The following CPZ variants were observed in gnomAD, a reference collection of about 807,000 sequenced individuals.
CPZ encodes VEZT/CPZ fusion.
In CPZ, 103 loss-of-function variants were observed where a neutral mutation model predicts 61.8. That is an observed-to-expected ratio of 1.67 (90% CI 1.42 to 1.96). The LOEUF (loss-of-function observed/expected upper bound fraction) is 1.96. Ranked by LOEUF, CPZ falls within the 30% of genes most tolerant of loss-of-function variation. The pLI, the probability that CPZ is intolerant of heterozygous loss-of-function variation, is 0.00. For missense variants in CPZ, 1,461 were observed against 914.9 expected (o/e 1.60, Z -7.70); for synonymous variants, 551 against 373.7 (o/e 1.47, Z -5.47).
At chr4:8,607,215 C>T (rs374697973) in intron 6 of CPZ, 52 bp from the exon 7 acceptor site, 14 of 1,585,518 alleles carry the variant, frequency 8.8e-6, no homozygotes, top group Middle Eastern at 1.8e-4. Context: ...GGCATGGCTG[C>T]GGGCCAGTGG....
intron 4 of CPZ, 130 bp from the exon 5 acceptor site, chr4:8,605,859 G>A (rs1560294451): frequency 2.3e-6 from 2 of 886,262 alleles, no homozygotes; most frequent in Non-Finnish European, 3.4e-6. Flanking sequence ...TATATACAGA[G>A]GTTCTTGAGT....
chr4:8,607,506 G>A, intron 7 of CPZ, 81 bp downstream of exon 7: 2 of 1,501,392 alleles, frequency 1.3e-6, no homozygotes, highest in Non-Finnish European at 9.0e-7. Context: ...CCAGTCCTGA[G>A]CTCAGTGAAG....
At chr4:8,600,273 G>A (rs1714477726) in intron 2 of CPZ, among the ~76,000 whole-genome samples, 1 of 152,190 alleles carries the variant, frequency 6.6e-6, no homozygotes, top group African/African-American at 2.4e-5. Flanking sequence ...CACCTTGCCT[G>A]GCTGTAAAAT....
At chr4:8,611,515 G>C (rs1164806998) in intron 7 of CPZ, among the ~76,000 whole-genome samples, 2 of 152,188 alleles carry the variant, frequency 1.3e-5, no homozygotes, top group African/African-American at 2.4e-5. Flanking sequence ...CTTCCTGCAG[G>C]CTGAGTCCCA....
rs184502022 is a variant in CPZ at position 8,618,651 on chromosome 4, C to T, written c.1603+123C>T. The T allele has an allele frequency of 3.1e-4, 284 of 904,758 alleles. 1 individual carries two copies. The East Asian group carries it at 7.2e-3, about 23-fold the overall frequency. The allele number at this position is 904,758 out of a possible 1,614,324, so 56.0% of individuals were successfully genotyped here. On this transcript the variant is annotated intron_variant, in intron 10 of 10. Coordinates refer to ENST00000360986, the MANE Select transcript of CPZ (RefSeq NM_001014447.3). The stretch of plus-strand genomic sequence containing the variant: ...CCTCAGCAGGATGGCTCCATTCCTC[C>T]CCAGGCTGGCTGGGTCGGGGAGGGT...
chr4:8,606,721 T>G lies in CPZ; in HGVS notation c.907-16T>G. On this transcript the variant is annotated splice_polypyrimidine_tract_variant and intron_variant, in intron 5 of 10. Coordinates refer to ENST00000360986, the MANE Select transcript of CPZ (RefSeq NM_001014447.3). Reference sequence around the variant, plus strand: ...TGTGCTGACCCCACCCAGTCGGGGGTTGGCCATGTTTTCAGGGTGCCGGCT... The same window carrying G: ...TGTGCTGACCCCACCCAGTCGGGGGGTGGCCATGTTTTCAGGGTGCCGGCT... 1 of 1,613,052 alleles carries G rather than the reference T, an allele frequency of 6.2e-7. No homozygotes were observed. Among genetic ancestry groups the G allele is most frequent in the South Asian group, 1.1e-5 (1 of 91,034 alleles).
intron 1 of CPZ, 94 bp from the exon 2 acceptor site, chr4:8,599,359 G>C (rs1045676347): frequency 6.9e-7 from 1 of 1,441,424 alleles, no homozygotes; most frequent in African/African-American, 1.4e-5. Flanking sequence ...GCCTGGGCTG[G>C]TCCCTACCTG....
chr4:8,595,780 T>C (rs1368741970), intron 1 of CPZ, among the ~76,000 whole-genome samples: 2 of 152,174 alleles, frequency 1.3e-5, no homozygotes, highest in Non-Finnish European at 2.9e-5. Context: ...GAAATCTGAT[T>C]CAGATGAGGC....
chr4:8,603,116 C>G (rs115100679), intron 3 of CPZ: 7 of 152,252 alleles, frequency 4.6e-5, no homozygotes, highest in Admixed American at 3.9e-4. Flanking sequence ...CCTGGAGAAC[C>G]GTTTTGAGCA....
rs537936936 is a variant in CPZ at position 8,617,169 on chromosome 4, C to T, written c.1504-1260C>T. On this transcript the variant is annotated intron_variant, in intron 9 of 10. Coordinates refer to ENST00000360986, the MANE Select transcript of CPZ (RefSeq NM_001014447.3). The stretch of plus-strand genomic sequence containing the variant: ...GGCCAGTCGGTTTCTGCATCGGTCA[C>T]GGCGGGGGTCAGCCGCGGTGGGATT... Among the ~76,000 whole-genome samples, 32 of 152,342 alleles carry T rather than the reference C, an allele frequency of 2.1e-4. No individual in the cohort carries two copies. The East Asian group carries it at 3.9e-3, about 18-fold the overall frequency.
intron 1 of CPZ, among the ~76,000 whole-genome samples, chr4:8,598,533 C>G (rs1255987557): frequency 6.6e-6 from 1 of 152,240 alleles, no homozygotes; most frequent in Non-Finnish European, 1.5e-5. Context: ...ACCCACTCCA[C>G]ACGTCCTGCC....
In CPZ at chr4:8,592,893, G is replaced by C; in HGVS notation, c.60G>C (p.Pro20=). ...LTVLVVAAAR[P]GCEFERNPAG... ...TCCTGGTCGTCGCCGCTGCCCGGCC[G>C]GGGTGCGAGTTTGAGCGGAACCCCG... The change falls in exon 1 of 11, where the codon CCG becomes CCC. Residue 20 remains proline, a synonymous_variant. Coordinates refer to ENST00000360986, the MANE Select transcript of CPZ (RefSeq NM_001014447.3). 2 of 1,534,310 alleles carry C rather than the reference G, an allele frequency of 1.3e-6. No homozygotes were observed. Among genetic ancestry groups the C allele is most frequent in the Non-Finnish European group, 1.7e-6 (2 of 1,143,978 alleles).
intron 1 of CPZ, among the ~76,000 whole-genome samples, chr4:8,595,436 G>T (rs1311291570): frequency 6.6e-6 from 1 of 152,246 alleles, no homozygotes; most frequent in African/African-American, 2.4e-5. Flanking sequence ...CTCTGTGGCT[G>T]CCAGGGCAGG....
chr4:8,615,174 G>A (rs916051530), intron 9 of CPZ, among the ~76,000 whole-genome samples: 1 of 152,088 alleles, frequency 6.6e-6, no homozygotes, highest in Non-Finnish European at 1.5e-5. Context: ...CTATCGTGAG[G>A]CTGAGGTCAC....
chr4:8,605,285 C>T (rs1410515010), intron 4 of CPZ, among the ~76,000 whole-genome samples: 3 of 145,576 alleles, frequency 2.1e-5, no homozygotes, highest in Non-Finnish European at 3.0e-5. Context: ...GGCCATGGGG[C>T]CTGGTCCACT....
chr4:8,616,709 T>C (rs576754653), intron 9 of CPZ, among the ~76,000 whole-genome samples: 2 of 152,140 alleles, frequency 1.3e-5, no homozygotes, highest in Non-Finnish European at 2.9e-5. Flanking sequence ...CTGAGGGGCA[T>C]GGTGGCTTCT....
rs1322425258 is a variant in CPZ, at chr4:8,618,603, C to T, written c.1603+75C>T. 1.3e-5 allele frequency: 17 copies of T among 1,354,178 alleles called. No homozygotes were observed. In the East Asian group the frequency reaches 4.1e-4, roughly 33 times the overall value. The allele number at this position is 1,354,178 out of a possible 1,614,324, so 83.9% of individuals were successfully genotyped here. A position where few individuals can be genotyped will look rare whatever the true frequency, so the allele number is the denominator to read the frequency against. On this transcript the variant is annotated intron_variant, in intron 10 of 10. Transcript: ENST00000360986. The stretch of plus-strand genomic sequence containing the variant: ...GCCACACCGTGGCAGCCGGCACCCT[C>T]AGGCACTCACAGTGTGCCCAGCCCT...
intron 1 of CPZ, 104 bp downstream of exon 1, chr4:8,593,025 A>T: frequency 1.1e-6 from 1 of 883,524 alleles, no homozygotes; most frequent in Non-Finnish European, 1.7e-6. Context: ...CCAGTAGGTC[A>T]CGCGCCTATG....
rs577498879 is a variant in CPZ at position 8,613,382 on chromosome 4, G to A, written c.1364-977G>A. Among the ~76,000 whole-genome samples, 14 of 152,268 alleles carry A rather than the reference G, an allele frequency of 9.2e-5. No individual in the cohort carries two copies. The South Asian group carries it at 1.9e-3, about 20-fold the overall frequency. ...CCTGACCTCGTGATCCGCCTGCCTC[G>A]GACTCCCAGAGTGCTGGGATTATAG... On this transcript the variant is annotated intron_variant, in intron 8 of 10. Coordinates refer to ENST00000360986, the MANE Select transcript of CPZ (RefSeq NM_001014447.3).
Sources: gnomAD v4.1 joint callset for allele counts (sites outside exome capture counted in the v4.1 genomes callset) on GRCh38, gnomAD v4.1.1 for gene constraint, MANE v1.5 for transcripts, NCBI Gene and HGNC (gene_info 2026-07-23, HGNC 2026-07-21) for gene names.